The following KCNN2 variants were observed in gnomAD, a reference collection of about 807,000 sequenced individuals.
The protein encoded by KCNN2 is potassium calcium-activated channel subfamily N member 2, also known as small conductance calcium-activated potassium channel protein 2.
KCNN2 carries 24 observed loss-of-function variants against 55.5 expected under a neutral mutation model. The ratio of observed to expected loss-of-function variants is 0.43; its 90% confidence interval spans 0.31 to 0.61. The LOEUF is 0.61. KCNN2 is among the 20% of genes least tolerant of loss of function. The pLI is 0.08. For missense variants in KCNN2, 754 were observed against 853.6 expected, an observed-to-expected ratio of 0.88 and a Z score of 1.45; for synonymous variants, 431 against 336.1, an observed-to-expected ratio of 1.28 and a Z score of -3.09.
intron 3 of KCNN2, 53 bp from the exon 4 acceptor site, chr5:114,462,996 C>T: frequency 6.5e-7 from 1 of 1,540,656 alleles, no homozygotes; most frequent in Non-Finnish European, 8.9e-7. Context: ...CCACACTTAA[C>T]TATCATATTG....
At chr5:114,098,817 T>G (rs1044988069) in intron 1 of KCNN2, among the ~76,000 whole-genome samples, 2 of 152,080 alleles carry the variant, frequency 1.3e-5, no homozygotes, top group South Asian at 4.1e-4. Context: ...TTGTATAAAT[T>G]TATGGGGGTA....
intron 2 of KCNN2, among the ~76,000 whole-genome samples, chr5:114,346,769 C>CA (rs138308313): frequency 0.43 from 58,556 of 136,014 alleles, 12,986 homozygotes; most frequent in African/African-American, 0.56. Flanking sequence ...ATTCATTCTC[C>CA]AAAAAAAAAA....
chr5:114,392,658 T>C (rs1561603916), intron 2 of KCNN2, among the ~76,000 whole-genome samples: 1 of 152,132 alleles, frequency 6.6e-6, no homozygotes, highest in Non-Finnish European at 1.5e-5. Flanking sequence ...ACGAGACCAT[T>C]GAAAAGTCAT....
intron 3 of KCNN2, among the ~76,000 whole-genome samples, chr5:114,407,166 A>C (rs951824967): frequency 6.6e-6 from 1 of 152,116 alleles, no homozygotes; most frequent in Non-Finnish European, 1.5e-5. Context: ...GGACCTGTTC[A>C]ATCTCGAAAT....
chr5:114,295,627 G>C (rs1561560017), intron 2 of KCNN2, among the ~76,000 whole-genome samples: 1 of 152,226 alleles, frequency 6.6e-6, no homozygotes, highest in East Asian at 1.9e-4. Flanking sequence ...CTAGGAAAGG[G>C]AACTCCCTGA....
Position 114,061,435 on chromosome 5 carries a change from C to T in KCNN2, c.-271+4935C>T, listed in dbSNP as rs1281306446. 2.6e-5 allele frequency among the ~76,000 whole-genome samples: 4 copies of T among 152,280 alleles called. 1 individual carries two copies. In the South Asian group the frequency reaches 6.2e-4, roughly 24 times the overall value. Reference sequence around the variant, plus strand: ...CAACTTTATGAGATAGGTAGAGATACTACACCCATTTTATAAATGAAATCT... The same window carrying T: ...CAACTTTATGAGATAGGTAGAGATATTACACCCATTTTATAAATGAAATCT... On this transcript the variant is annotated intron_variant, in intron 1 of 10. Coordinates refer to the KCNN2 transcript ENST00000512097.
Position 114,362,722 on chromosome 5 carries a change from C to CT in KCNN2, c.583_584insT (p.Gln195LeufsTer88). ...CCACCACCCGCACCCGGCGCACCAC[C>CT]AGCACCACCAGCCCCAGGCGCGCCG... is the stretch of plus-strand genomic sequence containing the variant. On this transcript the variant is annotated frameshift_variant, in exon 1 of 8. Transcript: ENST00000673685. LOFTEE classifies it high-confidence loss of function. 1 of 1,514,838 alleles carries CT rather than the reference C, an allele frequency of 6.6e-7. No homozygotes were observed. The highest frequency in any genetic ancestry group is 8.8e-7 in the Non-Finnish European group (1 of 1,139,844). The allele number at this position is 1,514,838 out of a possible 1,614,324, so 93.8% of individuals were successfully genotyped here.
chr5:114,311,087 A>G (rs1425365290), intron 2 of KCNN2, among the ~76,000 whole-genome samples: 1 of 152,056 alleles, frequency 6.6e-6, no homozygotes, highest in Non-Finnish European at 1.5e-5. Context: ...ATAAGCTTAT[A>G]TTAACATGAA....
At chr5:114,162,757 T>C (rs150699889) in intron 1 of KCNN2, among the ~76,000 whole-genome samples, 4,635 of 152,186 alleles carry the variant, frequency 0.03, 247 homozygotes, top group African/African-American at 0.1. Flanking sequence ...CAGTCTGCTG[T>C]GCTAGCAATG....
chr5:114,192,639 C>G (rs540060824), intron 1 of KCNN2, among the ~76,000 whole-genome samples: 24 of 152,040 alleles, frequency 1.6e-4, no homozygotes, highest in Non-Finnish European at 2.9e-4. Flanking sequence ...GGAGAAGGTT[C>G]TTGTAGCTAC....
intron 2 of KCNN2, among the ~76,000 whole-genome samples, chr5:114,275,624 G>A (rs1198981813): frequency 3.9e-5 from 6 of 152,120 alleles, no homozygotes; most frequent in African/African-American, 1.4e-4. Flanking sequence ...TTTGCGTAGA[G>A]GTACTTATAG....
chr5:114,381,718 T>A (rs2150057540), intron 2 of KCNN2, among the ~76,000 whole-genome samples: 1 of 152,336 alleles, frequency 6.6e-6, no homozygotes, highest in Admixed American at 6.5e-5. Context: ...TCTCTTCCTT[T>A]CCTGAGCAAC....
chr5:114,390,806 A>G (rs1010921442), intron 2 of KCNN2, among the ~76,000 whole-genome samples: 9 of 152,176 alleles, frequency 5.9e-5, no homozygotes, highest in African/African-American at 1.9e-4. Context: ...TGATTTTTAG[A>G]GGCAACTTGC....
chr5:114,449,754 T>C (rs948523794), intron 3 of KCNN2, among the ~76,000 whole-genome samples: 1 of 152,102 alleles, frequency 6.6e-6, no homozygotes, highest in Non-Finnish European at 1.5e-5. Flanking sequence ...TTTTTTTCCT[T>C]ACAGATTTAA....
chr5:114,077,290 C>A (rs1750702800), intron 1 of KCNN2, among the ~76,000 whole-genome samples: 1 of 152,242 alleles, frequency 6.6e-6, no homozygotes, highest in African/African-American at 2.4e-5. Context: ...CATTAGCTCA[C>A]ATACTGCATA....
intron 2 of KCNN2, among the ~76,000 whole-genome samples, chr5:114,336,897 G>A (rs189911623): frequency 2.0e-4 from 30 of 152,276 alleles, no homozygotes; most frequent in Admixed American, 1.4e-3. Flanking sequence ...GGCACAAGAA[G>A]AGACTCAGAG....
intron 1 of KCNN2, among the ~76,000 whole-genome samples, chr5:114,091,694 T>G (rs2112556030): frequency 1.3e-5 from 2 of 152,256 alleles, no homozygotes; most frequent in South Asian, 4.2e-4. Context: ...TAATCATAGT[T>G]GAAGGTAAAG....
chr5:114,089,309 GC>G (rs1304970154), intron 1 of KCNN2, among the ~76,000 whole-genome samples: 1 of 151,984 alleles, frequency 6.6e-6, no homozygotes, highest in African/African-American at 2.4e-5. Flanking sequence ...TTATCACAGG[GC>G]TAGTTTACCT....
chr5:114,171,208 C>T (rs913319686), intron 1 of KCNN2, among the ~76,000 whole-genome samples: 1 of 151,912 alleles, frequency 6.6e-6, no homozygotes, highest in Non-Finnish European at 1.5e-5. Context: ...AGGAAGTATG[C>T]ATTCTAGTAG....
Sources: allele counts gnomAD v4.1 joint callset (sites outside exome capture counted in the v4.1 genomes callset), GRCh38; gene constraint gnomAD v4.1.1; transcripts MANE v1.5; gene names NCBI Gene and HGNC (gene_info 2026-07-23, HGNC 2026-07-21).